Variants in GRM7 observed in about 807,000 individuals in gnomAD.
GRM7 encodes glutamate metabotropic receptor 7, also known as metabotropic glutamate receptor 7.
Under a neutral mutation model 84.5 loss-of-function variants are expected in GRM7, and 35 were observed. That is an observed-to-expected ratio of 0.41 (90% confidence interval 0.32 to 0.55). The LOEUF (loss-of-function observed/expected upper bound fraction) is 0.55. Ranked by LOEUF, GRM7 falls within the 20% of genes least tolerant of loss-of-function variation. GRM7 has a pLI of 0.19. For missense variants in GRM7, 1,003 were observed against 1,194.6 expected, an observed-to-expected ratio of 0.84 and a Z score of 2.36; for synonymous variants, 487 against 455.1, an observed-to-expected ratio of 1.07 and a Z score of -0.89.
intron 7 of GRM7, among the ~76,000 whole-genome samples, chr3:7,576,864 A>C (rs1256889712): frequency 6.6e-6 from 1 of 152,180 alleles, no homozygotes; most frequent in African/African-American, 2.4e-5. Flanking sequence ...AATAAACTTC[A>C]AAGTATTTTA....
intron 1 of GRM7, among the ~76,000 whole-genome samples, chr3:6,920,128 C>T (rs73124777): frequency 0.12 from 17,654 of 152,120 alleles, 2,315 homozygotes; most frequent in African/African-American, 0.31. Context: ...AAATGTAAGG[C>T]ATAATTTTCT....
chr3:7,169,583 T>C (rs2125086938), intron 2 of GRM7, among the ~76,000 whole-genome samples: 1 of 152,352 alleles, frequency 6.6e-6, no homozygotes, highest in Admixed American at 6.5e-5. Flanking sequence ...CACATAGCGA[T>C]GAAGGCAGCT....
chr3:6,880,989 G>T (rs868413968), intron 1 of GRM7, among the ~76,000 whole-genome samples: 2 of 151,924 alleles, frequency 1.3e-5, no homozygotes, highest in Non-Finnish European at 2.9e-5. Context: ...GACTTCACTG[G>T]CTTAGCAATC....
chr3:7,229,720 CACACACATATATATATATAT>C (rs774132611), intron 2 of GRM7, among the ~76,000 whole-genome samples: 4 of 14,252 alleles, frequency 2.8e-4, no homozygotes, highest in Non-Finnish European at 4.4e-4. Context: ...TCTCCATAGA[CACACACATATATATATATAT>C]ATATATATAT....
intron 2 of GRM7, among the ~76,000 whole-genome samples, chr3:7,243,669 G>C (rs1697648007): frequency 6.6e-6 from 1 of 152,016 alleles, no homozygotes; most frequent in Non-Finnish European, 1.5e-5. Context: ...TGTAAGCCCA[G>C]ATACACTCAT....
chr3:7,065,288 T>C (rs1697615173), intron 1 of GRM7, among the ~76,000 whole-genome samples: 1 of 151,870 alleles, frequency 6.6e-6, no homozygotes, highest in South Asian at 2.1e-4. Context: ...AAATGGTTTT[T>C]TCAATGTTAT....
intron 4 of GRM7, among the ~76,000 whole-genome samples, chr3:7,411,083 C>T (rs1029012921): frequency 6.6e-6 from 1 of 152,106 alleles, no homozygotes; most frequent in African/African-American, 2.4e-5. Context: ...ATCTCCTTCT[C>T]GCCTTCTCCT....
chr3:7,266,849 A>G (rs1055508122), intron 2 of GRM7, among the ~76,000 whole-genome samples: 3 of 152,014 alleles, frequency 2.0e-5, no homozygotes, highest in Non-Finnish European at 4.4e-5. Context: ...TTTTCTACCA[A>G]GTATTCTCAA....
In GRM7 at chr3:7,292,893, G is replaced by A. The variant is rs540635581; in HGVS notation, c.737-5791G>A. 4.6e-5 allele frequency among the ~76,000 whole-genome samples: 7 copies of A among 151,758 alleles called. No individual in the cohort carries two copies. The South Asian group carries it at 1.5e-3, about 32-fold the overall frequency. ...TACTAAAAATACAAAAATTAGCCGG[G>A]CGTGGTGGTGTGTGCCTGTAATCCC... On this transcript the variant is annotated intron_variant, in intron 2 of 9. Transcript: ENST00000357716.
At chr3:7,715,194 T>A (rs1701730074) in intron 9 of GRM7, among the ~76,000 whole-genome samples, 1 of 152,146 alleles carries the variant, frequency 6.6e-6, no homozygotes, top group South Asian at 2.1e-4. Flanking sequence ...GTGCAGTGGC[T>A]CACACCTGCA....
chr3:7,141,115 T>A (rs2125062430), intron 1 of GRM7, among the ~76,000 whole-genome samples: 1 of 152,194 alleles, frequency 6.6e-6, no homozygotes, highest in South Asian at 2.1e-4. Context: ...GAATTTTTCC[T>A]ATTATCACTC....
intron 4 of GRM7, 63 bp downstream of exon 4, chr3:7,306,715 G>A (rs1700206375): frequency 7.2e-7 from 1 of 1,387,224 alleles, no homozygotes. Context: ...GAATGGCCAA[G>A]CATGTGACTT....
At chr3:7,241,989 C>A (rs1291710705) in intron 2 of GRM7, among the ~76,000 whole-genome samples, 1 of 152,088 alleles carries the variant, frequency 6.6e-6, no homozygotes, top group Non-Finnish European at 1.5e-5. Context: ...TACCTTAGTA[C>A]TTCTTTTATA....
chr3:7,103,774 CTTTCTTTCTTT>C (rs1699194831), intron 1 of GRM7, among the ~76,000 whole-genome samples: 1 of 102,110 alleles, frequency 9.8e-6, no homozygotes. Context: ...TTCTTTCTTT[CTTTCTTTCTTT>C]CTTTCTTTCT....
chr3:7,187,940 G>T (rs1695576187), intron 2 of GRM7, among the ~76,000 whole-genome samples: 1 of 152,088 alleles, frequency 6.6e-6, no homozygotes, highest in Admixed American at 6.6e-5. Context: ...TCAATGCCTA[G>T]TACTGTAGCT....
intron 2 of GRM7, among the ~76,000 whole-genome samples, chr3:7,265,180 C>G (rs1439904033): frequency 6.6e-6 from 1 of 152,204 alleles, no homozygotes; most frequent in Non-Finnish European, 1.5e-5. Flanking sequence ...AACAACCTCC[C>G]TACTTCCATC....
intron 9 of GRM7, among the ~76,000 whole-genome samples, chr3:7,730,887 TG>T (rs1702305712): frequency 6.6e-6 from 1 of 152,218 alleles, no homozygotes; most frequent in Non-Finnish European, 1.5e-5. Flanking sequence ...AAATCTGATG[TG>T]GTAATTTAAT....
intron 1 of GRM7, among the ~76,000 whole-genome samples, chr3:7,091,257 A>G (rs1698654212): frequency 6.6e-6 from 1 of 152,076 alleles, no homozygotes; most frequent in Admixed American, 6.6e-5. Flanking sequence ...AGAGCAACCC[A>G]TGAACTTGCT....
At chr3:7,222,984 C>T (rs1696861159) in intron 2 of GRM7, among the ~76,000 whole-genome samples, 1 of 152,066 alleles carries the variant, frequency 6.6e-6, no homozygotes, top group African/African-American at 2.4e-5. Context: ...CATTTTCTTT[C>T]TCATATTTTG....
Sources: allele counts gnomAD v4.1 joint callset (sites outside exome capture counted in the v4.1 genomes callset), GRCh38; gene constraint gnomAD v4.1.1; transcripts MANE v1.5; gene names NCBI Gene and HGNC (gene_info 2026-07-23, HGNC 2026-07-21).